CTTN: variants seen among roughly 807,000 people sequenced by gnomAD.
CTTN encodes the protein cortactin.
In CTTN, 28 loss-of-function variants were observed where a neutral mutation model predicts 84.0. The ratio of observed to expected loss-of-function variants is 0.33; its 90% CI spans 0.25 to 0.46. The LOEUF (loss-of-function observed/expected upper bound fraction) is 0.46, where lower values mean the gene tolerates loss of function less well. Ranked by LOEUF, CTTN falls within the 20% of genes least tolerant of loss-of-function variation. The pLI is 1.00. For missense variants in CTTN, 641 were observed against 723.8 expected, an observed-to-expected ratio of 0.89 and a Z score of 1.31; for synonymous variants, 301 against 288.8, an observed-to-expected ratio of 1.04 and a Z score of -0.43.
chr11:70,418,481 C>T (rs1171197779), intron 8 of CTTN, among the ~76,000 whole-genome samples: 1 of 152,260 alleles, frequency 6.6e-6, no homozygotes, highest in Non-Finnish European at 1.5e-5. Context: ...GGCCTTCTCT[C>T]CCAGGCCTTG....
intron 1 of CTTN, among the ~76,000 whole-genome samples, chr11:70,403,812 T>C (rs988830718): frequency 1.3e-5 from 2 of 152,200 alleles, no homozygotes; most frequent in African/African-American, 4.8e-5. Context: ...ATTTCCAATA[T>C]TGAGAGTATA....
At chr11:70,414,419 T>G (rs1591437609) in intron 5 of CTTN, 123 bp from the exon 6 acceptor site, 32 of 580,318 alleles carry the variant, frequency 5.5e-5, no homozygotes, top group Non-Finnish European at 5.4e-5. Context: ...CCCAGATGGG[T>G]GTGTTAATGT....
intron 7 of CTTN, 66 bp from the exon 8 acceptor site, chr11:70,416,947 T>C: frequency 8.6e-7 from 1 of 1,164,772 alleles, no homozygotes; most frequent in Non-Finnish European, 1.3e-6. Flanking sequence ...TTTTGCTTAG[T>C]TTAACAAAAG....
At chr11:70,416,719 T>A (rs2058165970) in intron 7 of CTTN, 1 of 300,268 alleles carries the variant, frequency 3.3e-6, no homozygotes, top group Non-Finnish European at 6.3e-6. Flanking sequence ...TATGAAGCTT[T>A]CCAGCTTTTA....
At chr11:70,420,578 G>A in intron 10 of CTTN, 68 bp downstream of exon 10, 1 of 1,157,488 alleles carries the variant, frequency 8.6e-7, no homozygotes. Flanking sequence ...GGGGTCAGTT[G>A]GTATGTGTTG....
chr11:70,404,372 T>C (rs2058020092), intron 1 of CTTN, among the ~76,000 whole-genome samples: 1 of 151,954 alleles, frequency 6.6e-6, no homozygotes, highest in Non-Finnish European at 1.5e-5. Flanking sequence ...AGGGAAGGGG[T>C]CGTGTGCTTG....
Position 70,431,289 on chromosome 11 carries a change from C to T in CTTN, c.1266+9C>T, listed in dbSNP as rs990304441. On this transcript the variant is annotated intron_variant, in intron 15 of 17. Transcript: ENST00000301843. Reference sequence around the variant, plus strand: ...CGAGCCCCGTCTATGAGGTTGGTGTCTTTGGTGTTTGAATGAGCGTGAGTG... The same window carrying T: ...CGAGCCCCGTCTATGAGGTTGGTGTTTTTGGTGTTTGAATGAGCGTGAGTG... The T allele has an allele frequency of 1.2e-6, 2 of 1,613,868 alleles. No homozygotes were observed. The highest frequency in any genetic ancestry group is 2.7e-5 in the African/African-American group (2 of 74,920).
At chr11:70,434,729 G>A (rs1253794127) in intron 17 of CTTN, among the ~76,000 whole-genome samples, 1 of 152,272 alleles carries the variant, frequency 6.6e-6, no homozygotes, top group East Asian at 1.9e-4. Context: ...GAGAGGGGAA[G>A]GGAGGGCAGG....
chr11:70,436,197 G>T lies in CTTN; in HGVS notation c.*1035G>T. ...CAGTTGAAGGCTAGAAGTGTGAAGT[G>T]CAGATGAGTGTGTGTTCTTCCCCAA... On this transcript the variant is annotated 3_prime_UTR_variant, in exon 18 of 18. Coordinates refer to ENST00000301843, the MANE Select transcript of CTTN (RefSeq NM_005231.4). The T allele has an allele frequency of 1.3e-6, 2 of 1,548,286 alleles. No individual in the cohort carries two copies. Among genetic ancestry groups the T allele is most frequent in the African/African-American group, 1.4e-5 (1 of 73,418 alleles).
intron 5 of CTTN, among the ~76,000 whole-genome samples, chr11:70,413,197 C>T (rs1001150451): frequency 1.3e-5 from 2 of 152,246 alleles, no homozygotes; most frequent in African/African-American, 2.4e-5. Context: ...TTGCCTGCTG[C>T]GTCAGCACCG....
intron 5 of CTTN, 74 bp downstream of exon 5, chr11:70,410,034 C>G (rs1013996023): frequency 1.3e-6 from 2 of 1,536,152 alleles, no homozygotes; most frequent in African/African-American, 2.7e-5. Flanking sequence ...AGAGTCGTCC[C>G]TCAGTCTTTC....
intron 12 of CTTN, among the ~76,000 whole-genome samples, chr11:70,424,050 T>C (rs1403132396): frequency 6.6e-6 from 1 of 151,652 alleles, no homozygotes; most frequent in African/African-American, 2.4e-5. Flanking sequence ...GGGCCAACTG[T>C]GGAGCCGAAG....
chr11:70,435,527 G>C lies in CTTN; in HGVS notation c.*365G>C. On this transcript the variant is annotated 3_prime_UTR_variant, in exon 18 of 18. Coordinates refer to ENST00000301843, the MANE Select transcript of CTTN (RefSeq NM_005231.4). ...CCTCGTGCCCATCAAGTGCAGTCGGGACCTCCCAGGACAAGCACGAGGCCT... is the reference window on the plus strand; with the variant it reads ...CCTCGTGCCCATCAAGTGCAGTCGGCACCTCCCAGGACAAGCACGAGGCCT... The C allele has an allele frequency of 1.3e-6, 2 of 1,562,966 alleles. No individual in the cohort carries two copies. The highest frequency in any genetic ancestry group is 1.7e-6 in the Non-Finnish European group (2 of 1,161,864).
At chr11:70,403,688 T>C (rs1415187149) in intron 1 of CTTN, among the ~76,000 whole-genome samples, 3 of 152,198 alleles carry the variant, frequency 2.0e-5, no homozygotes, top group African/African-American at 7.2e-5. Flanking sequence ...TAGTTCATTT[T>C]TGAGTTAATT....
At chr11:70,416,037 T>A in intron 7 of CTTN, 1 of 323,432 alleles carries the variant, frequency 3.1e-6, no homozygotes, top group South Asian at 5.1e-5. Context: ...GCGCTCCTCC[T>A]GGAAAAGAGA....
intron 9 of CTTN, 94 bp from the exon 10 acceptor site, chr11:70,420,306 A>T: frequency 1.2e-6 from 1 of 818,154 alleles, no homozygotes; most frequent in Admixed American, 1.8e-5. Context: ...GATTGAGTGA[A>T]TCATATGCGT....
chr11:70,434,837 C>T (rs1272396124), intron 17 of CTTN, among the ~76,000 whole-genome samples, 189 bp from the exon 18 acceptor site: 3 of 152,200 alleles, frequency 2.0e-5, no homozygotes, highest in Admixed American at 6.5e-5. Flanking sequence ...TGTACTCTCT[C>T]GGTTCATGTT....
In CTTN at chr11:70,436,293, C is replaced by G. The variant is rs2058416412; in HGVS notation, c.*1131C>G. ...CACTCACTTTGTAGGAAACTCATCT[C>G]CTTCCTGAGGAGCCGGGAGGCTGGA... On this transcript the variant is annotated 3_prime_UTR_variant, in exon 18 of 18. Transcript: ENST00000301843. 1 of 1,598,056 alleles carries G rather than the reference C, an allele frequency of 6.3e-7. No homozygotes were observed. The highest frequency in any genetic ancestry group is 8.5e-7 in the Non-Finnish European group (1 of 1,179,766).
rs143700140 is a variant in CTTN at position 70,433,258 on chromosome 11, C to A, written c.1424C>A (p.Ala475Asp). 169 of 1,611,504 alleles carry A rather than the reference C, an allele frequency of 1.0e-4. 1 individual carries two copies. The East Asian group carries it at 2.1e-3, about 20-fold the overall frequency. ...ATEAVYESAEAPGHYPAEDST... is the reference protein window; with the variant it reads ...ATEAVYESAEDPGHYPAEDST... ...GAGGCTGTCTATGAAAGCGCAGAGG[C>A]CCCGGGCCACTATCCCGCAGGTACT... Residue 475 changes from alanine to aspartate, a missense_variant, in exon 16 of 18, where the codon GCC (alanine) becomes GAC (aspartate). Transcript: ENST00000301843.
Sources: gnomAD v4.1 joint callset for allele counts (sites outside exome capture counted in the v4.1 genomes callset) on GRCh38, gnomAD v4.1.1 for gene constraint, MANE v1.5 for transcripts, NCBI Gene and HGNC (gene_info 2026-07-23, HGNC 2026-07-21) for gene names.